HOMER1: variants seen among roughly 807,000 people sequenced by gnomAD.
HOMER1 encodes homer protein homolog 1.
In HOMER1, 3 loss-of-function variants were observed where a neutral mutation model predicts 48.9. The ratio of observed to expected loss-of-function variants is 0.06; its 90% confidence interval spans 0.03 to 0.16. HOMER1 has a LOEUF of 0.16. HOMER1 is among the 10% of genes least tolerant of loss of function. HOMER1 has a pLI of 1.00. For missense variants in HOMER1, 247 were observed against 411.4 expected, an observed-to-expected ratio of 0.60 and a Z score of 3.46; for synonymous variants, 134 against 146.4, an observed-to-expected ratio of 0.92 and a Z score of 0.61.
In HOMER1 at chr5:79,492,872, C is replaced by A. The variant is rs1034680254; in HGVS notation, c.5+19898G>T. Among the ~76,000 whole-genome samples, 114 of 142,684 alleles carry A rather than the reference C, an allele frequency of 8.0e-4. 1 individual carries two copies. Among genetic ancestry groups the A allele is most frequent in the African/African-American group, 2.8e-3 (110 of 39,372 alleles). 93.6% of individuals were successfully genotyped at this position (142,684 alleles called of 152,430 possible). On this transcript the variant is annotated intron_variant, in intron 1 of 8. Transcript: ENST00000334082. Reference sequence around the variant, plus strand: ...AATGCCATATACCCACTTCTTGCTTCATTTTCAGCAGAATGAAGAAAACGA... The same window carrying A: ...AATGCCATATACCCACTTCTTGCTTAATTTTCAGCAGAATGAAGAAAACGA...
At chr5:79,470,987 A>G (rs148657518) in intron 1 of HOMER1, among the ~76,000 whole-genome samples, 10 of 152,286 alleles carry the variant, frequency 6.6e-5, no homozygotes, top group Non-Finnish European at 1.2e-4. Flanking sequence ...CTCTCAACAC[A>G]GACACCAGAA....
At chr5:79,411,864 A>T (rs1200581898) in intron 5 of HOMER1, among the ~76,000 whole-genome samples, 1 of 152,250 alleles carries the variant, frequency 6.6e-6, no homozygotes, top group Non-Finnish European at 1.5e-5. Flanking sequence ...CATGCCTGTA[A>T]TCCCAGCACT....
chr5:79,481,320 A>C (rs4379173), intron 1 of HOMER1, among the ~76,000 whole-genome samples: 14,969 of 152,246 alleles, frequency 0.098, 1,697 homozygotes, highest in African/African-American at 0.27. Context: ...ACAAAATATA[A>C]GAAACAAGTT....
chr5:79,385,180 C>G (rs7720438), intron 8 of HOMER1, among the ~76,000 whole-genome samples: 5 of 152,060 alleles, frequency 3.3e-5, no homozygotes, highest in Non-Finnish European at 4.4e-5. Context: ...AAAAAAAACA[C>G]TTCTGGACAT....
At chr5:79,448,545 C>T (rs1452770880) in intron 3 of HOMER1, among the ~76,000 whole-genome samples, 2 of 152,120 alleles carry the variant, frequency 1.3e-5, no homozygotes, top group Non-Finnish European at 2.9e-5. Context: ...AGAGACCACA[C>T]ATTTTTTTTC....
chr5:79,381,849 C>T (rs143591629), intron 8 of HOMER1, among the ~76,000 whole-genome samples: 172 of 151,270 alleles, frequency 1.1e-3, no homozygotes, highest in Middle Eastern at 3.4e-3. Context: ...CATGCCACTG[C>T]GCTCCAGCCT....
At chr5:79,509,342 T>C (rs1404742363) in intron 1 of HOMER1, among the ~76,000 whole-genome samples, 2 of 152,208 alleles carry the variant, frequency 1.3e-5, no homozygotes, top group East Asian at 1.9e-4. Context: ...TTCTTTACCA[T>C]TGCTGATGGC....
intron 1 of HOMER1, among the ~76,000 whole-genome samples, chr5:79,505,472 T>C (rs1293186729): frequency 6.6e-6 from 1 of 152,204 alleles, no homozygotes; most frequent in East Asian, 1.9e-4. Flanking sequence ...GTTTTTTGTT[T>C]GTATTTAATG....
intron 1 of HOMER1, among the ~76,000 whole-genome samples, chr5:79,476,192 C>T (rs1382205524): frequency 6.6e-6 from 1 of 152,136 alleles, no homozygotes; most frequent in East Asian, 1.9e-4. Flanking sequence ...ACATCTCTTC[C>T]AATTGAAATG....
chr5:79,433,069 C>G (rs1161507260), intron 5 of HOMER1, among the ~76,000 whole-genome samples: 1 of 152,152 alleles, frequency 6.6e-6, no homozygotes, highest in Non-Finnish European at 1.5e-5. Context: ...GCTTTACATA[C>G]AGTCCACAGT....
chr5:79,386,938 CTTCCTTCCT>C (rs1313555455), intron 8 of HOMER1, among the ~76,000 whole-genome samples: 25 of 121,708 alleles, frequency 2.1e-4, no homozygotes, highest in South Asian at 6.7e-4. Context: ...CCCTCCCTTC[CTTCCTTCCT>C]TTCCTTTCTT....
intron 2 of HOMER1, among the ~76,000 whole-genome samples, chr5:79,456,468 G>A (rs1370357673): frequency 6.6e-6 from 1 of 152,158 alleles, no homozygotes; most frequent in Non-Finnish European, 1.5e-5. Flanking sequence ...AACTTCATAG[G>A]ATATAGGGAC....
At chr5:79,480,785 T>C (rs751670594) in intron 1 of HOMER1, among the ~76,000 whole-genome samples, 3 of 152,224 alleles carry the variant, frequency 2.0e-5, no homozygotes, top group Non-Finnish European at 4.4e-5. Flanking sequence ...TATTCACTCC[T>C]TCAATATTTA....
intron 6 of HOMER1, among the ~76,000 whole-genome samples, chr5:79,400,954 T>TA (rs34627415): frequency 7.5e-5 from 11 of 146,382 alleles, no homozygotes; most frequent in African/African-American, 2.6e-4. Context: ...TTTTTTTTTT[T>TA]AATGGAGATG....
intron 1 of HOMER1, among the ~76,000 whole-genome samples, chr5:79,508,834 A>G (rs965484501): frequency 7.2e-5 from 11 of 152,202 alleles, no homozygotes; most frequent in African/African-American, 2.7e-4. Context: ...TGTCTGCCCA[A>G]CTTCCAAAGT....
chr5:79,396,539 G>A (rs1198800189), intron 8 of HOMER1, among the ~76,000 whole-genome samples: 3 of 151,668 alleles, frequency 2.0e-5, no homozygotes, highest in Admixed American at 2.0e-4. Context: ...GAGCCACCAT[G>A]CCCAAACCCA....
chr5:79,394,010 T>G (rs1749316669), intron 8 of HOMER1, among the ~76,000 whole-genome samples: 1 of 152,182 alleles, frequency 6.6e-6, no homozygotes, highest in Non-Finnish European at 1.5e-5. Context: ...GGAATTATGA[T>G]TTTATACTAA....
intron 1 of HOMER1, among the ~76,000 whole-genome samples, chr5:79,462,140 AGT>A (rs1220595744): frequency 6.6e-6 from 1 of 152,168 alleles, no homozygotes; most frequent in Non-Finnish European, 1.5e-5. Context: ...CGGAGGTTGC[AGT>A]GAGCCAAGAT....
chr5:79,490,780 A>AAC (rs1752248370), intron 1 of HOMER1, among the ~76,000 whole-genome samples: 1 of 145,984 alleles, frequency 6.9e-6, no homozygotes, highest in Non-Finnish European at 1.5e-5. Context: ...AAAAAAAAAA[A>AAC]CAAAAAAAAA....
Sources: gnomAD v4.1 joint callset for allele counts (sites outside exome capture counted in the v4.1 genomes callset) on GRCh38, gnomAD v4.1.1 for gene constraint, MANE v1.5 for transcripts, NCBI Gene and HGNC (gene_info 2026-07-23, HGNC 2026-07-21) for gene names.